PRUNE2: variants seen among roughly 807,000 people sequenced by gnomAD.
PRUNE2 encodes prune homolog 2 with BCH domain.
A neutral mutation model predicts 252.0 loss-of-function variants in PRUNE2; 164 were observed. The ratio of observed to expected loss-of-function variants is 0.65; its 90% CI spans 0.57 to 0.74. PRUNE2 has a LOEUF of 0.74. PRUNE2 is among the 30% of genes least tolerant of loss of function. The pLI is 0.00. For missense variants in PRUNE2, 3,495 were observed against 3,711.0 expected (o/e 0.94, Z 1.51); for synonymous variants, 1,292 against 1,350.2 (o/e 0.96, Z 0.94).
At chr9:76,744,428 C>G (rs1296858273) in intron 6 of PRUNE2, among the ~76,000 whole-genome samples, 1 of 152,102 alleles carries the variant, frequency 6.6e-6, no homozygotes, top group Admixed American at 6.5e-5. Flanking sequence ...TAAATAGATA[C>G]AGGTTTTTCT....
Position 76,906,008 on chromosome 9 carries a change from T to C in PRUNE2, c.-45A>G. 6.2e-7 allele frequency: 1 copy of C among 1,607,772 alleles called. No homozygotes were observed. Among genetic ancestry groups the C allele is most frequent in the Non-Finnish European group, 8.5e-7 (1 of 1,174,484 alleles). ...AACCCGGGTACTCGGAGGGGCGCAG[T>C]GGAAAATCTCGGCCCAAGGAAGACG... On this transcript the variant is annotated 5_prime_UTR_variant, in exon 1 of 19. Transcript: ENST00000376718.
intron 4 of PRUNE2, among the ~76,000 whole-genome samples, chr9:76,841,607 C>T (rs953478710): frequency 6.6e-6 from 1 of 152,200 alleles, no homozygotes; most frequent in South Asian, 2.1e-4. Flanking sequence ...TGAAGTCAAC[C>T]TGGGATGCTT....
intron 6 of PRUNE2, among the ~76,000 whole-genome samples, chr9:76,746,477 G>A (rs893742940): frequency 5.9e-5 from 9 of 151,494 alleles, no homozygotes; most frequent in Non-Finnish European, 1.3e-4. Context: ...AGGCCGAGGC[G>A]GGTGGATCAT....
chr9:76,867,006 G>C (rs1003985729), intron 1 of PRUNE2, among the ~76,000 whole-genome samples: 2 of 152,246 alleles, frequency 1.3e-5, no homozygotes, highest in South Asian at 4.2e-4. Context: ...ACTTGTGCCT[G>C]GTATTAGTCA....
chr9:76,712,909 C>T (rs2046849038), intron 7 of PRUNE2, among the ~76,000 whole-genome samples: 1 of 152,004 alleles, frequency 6.6e-6, no homozygotes, highest in Admixed American at 6.5e-5. Flanking sequence ...TCTAGCCACC[C>T]ATGGATACAT....
At chr9:76,760,227 C>T (rs1240324978) in intron 6 of PRUNE2, among the ~76,000 whole-genome samples, 1 of 152,068 alleles carries the variant, frequency 6.6e-6, no homozygotes, top group Non-Finnish European at 1.5e-5. Flanking sequence ...GCAGGCACTC[C>T]GTATATGTTT....
rs373194264 is a variant in PRUNE2 at position 76,708,960 on chromosome 9, C to A, written c.3314G>T (p.Arg1105Leu). The A allele has an allele frequency of 3.7e-5, 60 of 1,613,908 alleles. 1 individual carries two copies. In the South Asian group the frequency reaches 5.9e-4, roughly 16 times the overall value. The change falls in exon 8 of 19, where the codon CGG (arginine) becomes CTG (leucine). Residue 1105 changes from arginine to leucine, a missense_variant. Coordinates refer to ENST00000376718, the MANE Select transcript of PRUNE2 (RefSeq NM_015225.3). ...GTCGAGACTGTCAGGGGCCGTCTGC[C>A]GGGAGTTGGTGCTGCTGTGCAAAAG... ...LTLLHSSTNS[R>L]QTAPDSLDLW...
chr9:76,846,685 A>G lies in PRUNE2; in HGVS notation c.345-7T>C. 6.2e-7 allele frequency: 1 copy of G among 1,611,042 alleles called. No homozygotes were observed. On this transcript the variant is annotated splice_region_variant and splice_polypyrimidine_tract_variant and intron_variant, in intron 3 of 18. Coordinates refer to ENST00000376718, the MANE Select transcript of PRUNE2 (RefSeq NM_015225.3). Reference sequence around the variant, plus strand: ...TTCTAAAGTTTTGTCTTCACTGTAAAGCAAATGGAGGGGAGGAAGAGAAAG... The same window carrying G: ...TTCTAAAGTTTTGTCTTCACTGTAAGGCAAATGGAGGGGAGGAAGAGAAAG...
chr9:76,707,479 CT>C lies in PRUNE2; in HGVS notation c.4794del (p.Val1599Ter). The C allele has an allele frequency of 1.9e-6, 3 of 1,613,912 alleles. No individual in the cohort carries two copies. Among genetic ancestry groups the C allele is most frequent in the Non-Finnish European group, 2.5e-6 (3 of 1,179,862 alleles). ...TTDGQVEIVTKVKDLEKNRIN... is the reference protein window; with the variant it reads ...TTDGQVEIVTXVKDLEKNRIN... Reference sequence around the variant, plus strand: ...ATTCTGTTTTTCTCTAAATCCTTCACTTTGGTAACTATTTCTACTTGGCCAT... The same window carrying C: ...ATTCTGTTTTTCTCTAAATCCTTCACTTGGTAACTATTTCTACTTGGCCAT... On this transcript the variant is annotated frameshift_variant, in exon 8 of 19. Coordinates refer to ENST00000376718, the MANE Select transcript of PRUNE2 (RefSeq NM_015225.3). LOFTEE classifies it high-confidence loss of function.
At position 76,708,752 on chromosome 9, in the gene PRUNE2, G is replaced by A; in HGVS notation, c.3522C>T (p.Pro1174=). ...TTGCTTCCTGATACTCCAAGCCCCA[G>A]GGTTCCAGCTGTCTCACTGTAAATC... ...ETRFTVRQLE[P]WGLEYQEANQ... Residue 1174 remains proline, a synonymous_variant, in exon 8 of 19, where the codon CCC becomes CCT. Coordinates refer to ENST00000376718, the MANE Select transcript of PRUNE2 (RefSeq NM_015225.3). 1.2e-6 allele frequency: 2 copies of A among 1,613,966 alleles called. No homozygotes were observed. The highest frequency in any genetic ancestry group is 8.5e-7 in the Non-Finnish European group (1 of 1,179,894).
At chr9:76,629,045 T>C in intron 16 of PRUNE2, 147 bp downstream of exon 16, 2 of 530,620 alleles carry the variant, frequency 3.8e-6, no homozygotes, top group Non-Finnish European at 6.6e-6. Context: ...GGTTTTGCTA[T>C]GTTGTCCAGG....
intron 9 of PRUNE2, among the ~76,000 whole-genome samples, chr9:76,700,668 AT>A (rs2134691756): frequency 6.6e-6 from 1 of 152,242 alleles, no homozygotes; most frequent in East Asian, 1.9e-4. Context: ...AAGTATAATA[AT>A]TTTTTCTTCT....
chr9:76,761,882 A>C (rs956546138), intron 6 of PRUNE2, among the ~76,000 whole-genome samples: 2 of 152,198 alleles, frequency 1.3e-5, no homozygotes, highest in Admixed American at 6.5e-5. Flanking sequence ...CATTGGTTAT[A>C]GGTACAATTT....
chr9:76,798,215 T>G (rs2056271915), intron 6 of PRUNE2, among the ~76,000 whole-genome samples: 1 of 152,224 alleles, frequency 6.6e-6, no homozygotes, highest in Admixed American at 6.5e-5. Flanking sequence ...ATATTCACAT[T>G]GCTGGGCCAC....
rs142382537 is a variant in PRUNE2 at position 76,650,822 on chromosome 9, G to C, written c.8557+1661C>G. 3.7e-3 allele frequency among the ~76,000 whole-genome samples: 563 copies of C among 152,236 alleles called. 3 individuals are homozygous for C. Among genetic ancestry groups the C allele is most frequent in the African/African-American group, 0.013 (538 of 41,520 alleles). ...TTGCCCAGCCACCACTGCTTTGCTC[G>C]ACAGTTTTACTATGTTTAAAAATAA... On this transcript the variant is annotated intron_variant, in intron 11 of 18. Transcript: ENST00000376718.
intron 1 of PRUNE2, among the ~76,000 whole-genome samples, chr9:76,871,963 A>T (rs754811092): frequency 6.6e-5 from 10 of 152,158 alleles, no homozygotes; most frequent in Non-Finnish European, 1.2e-4. Context: ...TACGCTGTAG[A>T]TAGTGACATT....
At chr9:76,723,113 G>C (rs1378025501) in intron 6 of PRUNE2, among the ~76,000 whole-genome samples, 11 of 152,116 alleles carry the variant, frequency 7.2e-5, no homozygotes, top group Non-Finnish European at 1.5e-5. Flanking sequence ...CTATAAAATA[G>C]AACTGTAGGG....
chr9:76,743,847 T>C (rs2049871035), intron 6 of PRUNE2, among the ~76,000 whole-genome samples: 1 of 152,180 alleles, frequency 6.6e-6, no homozygotes, highest in African/African-American at 2.4e-5. Flanking sequence ...TAGTTGAGGG[T>C]GTAAGAGTGC....
In PRUNE2 at chr9:76,835,700, G is replaced by A. The variant is rs184032446; in HGVS notation, c.509-8968C>T. Among the ~76,000 whole-genome samples, 6 of 152,172 alleles carry A rather than the reference G, an allele frequency of 3.9e-5. No homozygotes were observed. The East Asian group carries it at 9.7e-4, about 25-fold the overall frequency. ...GGCAATGTAATTCCCTCTGGATTTT[G>A]TAACCATTTCAGGAGAGAGATGATT... On this transcript the variant is annotated intron_variant, in intron 4 of 18. Coordinates refer to ENST00000376718, the MANE Select transcript of PRUNE2 (RefSeq NM_015225.3).
Sources: allele counts gnomAD v4.1 joint callset (sites outside exome capture counted in the v4.1 genomes callset), GRCh38; gene constraint gnomAD v4.1.1; transcripts MANE v1.5; gene names NCBI Gene and HGNC (gene_info 2026-07-23, HGNC 2026-07-21).